Variants in TAFA4 observed in about 807,000 individuals in gnomAD.
TAFA4 encodes the protein chemokine-like protein TAFA-4.
TAFA4 carries 20 observed loss-of-function variants against 21.1 expected under a neutral mutation model. The observed-to-expected ratio is 0.95, with a 90% confidence interval of 0.67 to 1.38. The LOEUF is 1.38. TAFA4 is among the 40% of genes most tolerant of loss of function. The probability of loss-of-function intolerance (pLI) is 0.00; values close to 1 mark genes in which losing one functional copy is unlikely to be tolerated. For missense variants in TAFA4, 211 were observed against 180.9 expected, an observed-to-expected ratio of 1.17 and a Z score of -0.95; for synonymous variants, 71 against 67.4, an observed-to-expected ratio of 1.05 and a Z score of -0.26.
chr3:68,807,678 T>C (rs983302787), intron 3 of TAFA4, among the ~76,000 whole-genome samples: 7 of 152,226 alleles, frequency 4.6e-5, no homozygotes, highest in Admixed American at 2.0e-4. Flanking sequence ...TAGAAATCAC[T>C]GTCTATTAAA....
At chr3:68,738,636 AGAC>A (rs1702286992) in intron 5 of TAFA4, among the ~76,000 whole-genome samples, 1 of 152,248 alleles carries the variant, frequency 6.6e-6, no homozygotes, top group African/African-American at 2.4e-5. Flanking sequence ...AGAATTGAAA[AGAC>A]GACCACTTGG....
At chr3:68,893,848 C>T (rs1256764879) in intron 1 of TAFA4, among the ~76,000 whole-genome samples, 3 of 152,256 alleles carry the variant, frequency 2.0e-5, no homozygotes, top group East Asian at 1.9e-4. Context: ...GTGGACAAAA[C>T]AAGGAAATAT....
At chr3:68,912,601 T>C (rs2089970402) in intron 1 of TAFA4, among the ~76,000 whole-genome samples, 2 of 152,232 alleles carry the variant, frequency 1.3e-5, no homozygotes, top group African/African-American at 4.8e-5. Flanking sequence ...CTTACTCATC[T>C]GTGTGTGCCG....
At chr3:68,906,071 G>C (rs1158158863) in intron 1 of TAFA4, among the ~76,000 whole-genome samples, 1 of 152,190 alleles carries the variant, frequency 6.6e-6, no homozygotes, top group East Asian at 1.9e-4. Flanking sequence ...AAGAAAAGGA[G>C]CAAGTGGGAA....
intron 3 of TAFA4, among the ~76,000 whole-genome samples, chr3:68,806,562 T>C (rs1248259164): frequency 1.3e-5 from 2 of 152,292 alleles, no homozygotes; most frequent in Middle Eastern, 3.4e-3. Flanking sequence ...ATCACCAACA[T>C]TCATTCAATA....
chr3:68,774,831 A>G (rs776617551), intron 3 of TAFA4, among the ~76,000 whole-genome samples: 5 of 152,180 alleles, frequency 3.3e-5, no homozygotes, highest in African/African-American at 9.7e-5. Flanking sequence ...GAAGAAAACT[A>G]TAAGTGACTC....
In TAFA4 at chr3:68,739,159, C is replaced by T. The variant is rs534537422; in HGVS notation, c.327G>A (p.Pro109=). 49 of 1,613,932 alleles carry T rather than the reference C, an allele frequency of 3.0e-5. No homozygotes were observed. Among genetic ancestry groups the T allele is most frequent in the Middle Eastern group, 3.3e-4 (2 of 6,056 alleles). The change falls in exon 5 of 6, where the codon CCG becomes CCA. Residue 109 remains proline, a synonymous_variant. Transcript: ENST00000295569. ...VIQKWWCHMN[P]CLEGEDCKVL... Reference sequence around the variant, plus strand: ...CTTTACAATCCTCTCCTTCCAAACACGGATTCATGTGACACCACCATTTCT... The same window carrying T: ...CTTTACAATCCTCTCCTTCCAAACATGGATTCATGTGACACCACCATTTCT...
chr3:68,742,628 C>T (rs145199583), intron 4 of TAFA4, among the ~76,000 whole-genome samples: 72 of 152,226 alleles, frequency 4.7e-4, no homozygotes, highest in African/African-American at 1.6e-3. Flanking sequence ...CAGTGTATAC[C>T]GCTCATTGGT....
rs147640858 is a variant in TAFA4 at position 68,832,980 on chromosome 3, G to T, written c.130+47750C>A. 4.7e-3 allele frequency among the ~76,000 whole-genome samples: 711 copies of T among 152,378 alleles called. 4 individuals are homozygous for T. Among genetic ancestry groups the T allele is most frequent in the Admixed American group, 0.015 (226 of 15,312 alleles). On this transcript the variant is annotated intron_variant, in intron 3 of 5. Coordinates refer to ENST00000295569, the MANE Select transcript of TAFA4 (RefSeq NM_182522.5). Reference sequence around the variant, plus strand: ...TCTCAGACTGCTGTGCTACCAGCGAGCAAGGCTCCATGGGCATGGGACGTG... The same window carrying T: ...TCTCAGACTGCTGTGCTACCAGCGATCAAGGCTCCATGGGCATGGGACGTG...
intron 3 of TAFA4, among the ~76,000 whole-genome samples, chr3:68,869,992 A>G (rs1025432805): frequency 6.6e-6 from 1 of 152,130 alleles, no homozygotes; most frequent in African/African-American, 2.4e-5. Context: ...CTGAGAACTG[A>G]TAAGTGAATT....
At chr3:68,770,168 T>C (rs1702926535) in intron 3 of TAFA4, among the ~76,000 whole-genome samples, 1 of 152,248 alleles carries the variant, frequency 6.6e-6, no homozygotes, top group African/African-American at 2.4e-5. Flanking sequence ...GTGGGTTCAT[T>C]TTTGTTTTCT....
chr3:68,743,295 G>A (rs1369759775), intron 4 of TAFA4, among the ~76,000 whole-genome samples: 1 of 152,058 alleles, frequency 6.6e-6, no homozygotes, highest in Non-Finnish European at 1.5e-5. Flanking sequence ...TATATTCTTG[G>A]CCAGGCATGG....
chr3:68,828,028 GTCT>G (rs1182397779), intron 3 of TAFA4, among the ~76,000 whole-genome samples: 6 of 152,182 alleles, frequency 3.9e-5, no homozygotes, highest in Non-Finnish European at 7.3e-5. Flanking sequence ...TTCCATTTAA[GTCT>G]TTAATCCATC....
At chr3:68,874,751 C>A (rs1054744625) in intron 3 of TAFA4, among the ~76,000 whole-genome samples, 13 of 151,746 alleles carry the variant, frequency 8.6e-5, no homozygotes, top group Admixed American at 6.6e-5. Context: ...AACTGAAATT[C>A]TTTACTCCCG....
intron 3 of TAFA4, among the ~76,000 whole-genome samples, chr3:68,765,879 G>A (rs536461242): frequency 6.6e-6 from 1 of 152,230 alleles, no homozygotes; most frequent in African/African-American, 2.4e-5. Flanking sequence ...GACCTCAATA[G>A]GTGCTTCAAT....
intron 3 of TAFA4, among the ~76,000 whole-genome samples, chr3:68,854,784 G>A (rs1705029542): frequency 6.6e-6 from 1 of 151,896 alleles, no homozygotes; most frequent in South Asian, 2.1e-4. Flanking sequence ...CAGTTGAACA[G>A]TAATTCTACC....
chr3:68,850,786 T>C (rs1704925806), intron 3 of TAFA4, among the ~76,000 whole-genome samples: 2 of 152,040 alleles, frequency 1.3e-5, no homozygotes, highest in African/African-American at 4.8e-5. Context: ...GTATCAGACC[T>C]TTGACAGATG....
At chr3:68,903,370 C>T (rs192556761) in intron 1 of TAFA4, among the ~76,000 whole-genome samples, 12 of 152,252 alleles carry the variant, frequency 7.9e-5, no homozygotes, top group Admixed American at 2.6e-4. Context: ...CAATTATAAA[C>T]GTCAGCAACA....
At chr3:68,908,791 C>CT (rs1490558305) in intron 1 of TAFA4, among the ~76,000 whole-genome samples, 1 of 152,168 alleles carries the variant, frequency 6.6e-6, no homozygotes, top group Admixed American at 6.5e-5. Flanking sequence ...TACAGAAGGG[C>CT]TAGTTCAGTT....
Sources: gnomAD v4.1 joint callset for allele counts (sites outside exome capture counted in the v4.1 genomes callset) on GRCh38, gnomAD v4.1.1 for gene constraint, MANE v1.5 for transcripts, NCBI Gene and HGNC (gene_info 2026-07-23, HGNC 2026-07-21) for gene names.